Variants in SMURF1 observed in about 807,000 individuals in gnomAD.
SMURF1 encodes SMAD specific E3 ubiquitin protein ligase 1, also known as E3 ubiquitin-protein ligase SMURF1.
A neutral mutation model predicts 98.0 loss-of-function variants in SMURF1; 44 were observed. That is an observed-to-expected ratio of 0.45 (90% CI 0.35 to 0.58). SMURF1 has a LOEUF of 0.58. SMURF1 is among the 20% of genes least tolerant of loss of function. The probability of loss-of-function intolerance (pLI) is 0.00; values close to 1 mark genes in which losing one functional copy is unlikely to be tolerated. For synonymous variants in SMURF1, 396 were observed against 374.9 expected (o/e 1.06, Z -0.65); for missense variants, 687 against 938.4 (o/e 0.73, Z 3.50).
intron 11 of SMURF1, 161 bp downstream of exon 11, chr7:99,045,537 C>T (rs979375784): frequency 4.9e-5 from 29 of 595,314 alleles, no homozygotes; most frequent in East Asian, 3.2e-4. Flanking sequence ...TCCTATTCTC[C>T]GCAGGGTGGC....
At chr7:99,035,044 C>T (rs1017277175) in intron 16 of SMURF1, among the ~76,000 whole-genome samples, 2 of 152,220 alleles carry the variant, frequency 1.3e-5, no homozygotes, top group African/African-American at 4.8e-5. Context: ...CACAGAATTC[C>T]ACCCCACTTC....
chr7:99,115,820 A>G (rs1184330540), intron 1 of SMURF1, among the ~76,000 whole-genome samples: 1 of 152,204 alleles, frequency 6.6e-6, no homozygotes, highest in Non-Finnish European at 1.5e-5. Flanking sequence ...GAACTTCCAA[A>G]AAGAAAAACT....
intron 1 of SMURF1, among the ~76,000 whole-genome samples, chr7:99,124,375 C>T (rs2150629200): frequency 6.6e-6 from 1 of 152,290 alleles, no homozygotes; most frequent in South Asian, 2.1e-4. Flanking sequence ...AAGGGGCACT[C>T]CAAAGTCCCA....
chr7:99,045,386 G>T (rs1488540385), intron 11 of SMURF1, among the ~76,000 whole-genome samples: 1 of 152,218 alleles, frequency 6.6e-6, no homozygotes, highest in Admixed American at 6.5e-5. Flanking sequence ...TAAATTTCAG[G>T]AGCATGCTCC....
chr7:99,071,987 G>A (rs534762889), intron 1 of SMURF1, among the ~76,000 whole-genome samples: 1 of 152,206 alleles, frequency 6.6e-6, no homozygotes, highest in Non-Finnish European at 1.5e-5. Context: ...GCTGAGGGAG[G>A]AGAACTGCTT....
chr7:99,054,813 G>A lies in SMURF1; in HGVS notation c.456C>T (p.Cys152=). Residue 152 remains cysteine, a synonymous_variant, in exon 6 of 18, where the codon TGC becomes TGT. Transcript: ENST00000361368. ...ACCCTTCATTTTCTAACAGTCCTCT[G>A]CAGTCCACCACCGAGCCGCCGGTTC... ...RIGTGGSVVD[C]RGLLENEGTV... The A allele has an allele frequency of 6.2e-7, 1 of 1,613,900 alleles. No homozygotes were observed. Among genetic ancestry groups the A allele is most frequent in the South Asian group, 1.1e-5 (1 of 91,050 alleles).
At chr7:99,123,706 G>A (rs1417728216) in intron 1 of SMURF1, among the ~76,000 whole-genome samples, 2 of 152,112 alleles carry the variant, frequency 1.3e-5, no homozygotes, top group African/African-American at 4.8e-5. Context: ...TTCTGAGAAC[G>A]TTGGCTAAAC....
Position 99,057,616 on chromosome 7 carries a change from T to G in SMURF1, c.204-65A>C, listed in dbSNP as rs905716762. 6.1e-5 allele frequency: 89 copies of G among 1,466,494 alleles called. No homozygotes were observed. The East Asian group carries it at 1.4e-3, about 24-fold the overall frequency. 90.8% of individuals were successfully genotyped at this position (1,466,494 alleles called of 1,614,324 possible). A position where few individuals can be genotyped will look rare whatever the true frequency, so the allele number is the denominator to read the frequency against. On this transcript the variant is annotated intron_variant, in intron 3 of 17. Transcript: ENST00000361368. The stretch of plus-strand genomic sequence containing the variant: ...GTTTTTTTTGTTTTGTTTTTTTTTT[T>G]TTTTGAGATAGAATCCTGCTCTGTT...
intron 1 of SMURF1, among the ~76,000 whole-genome samples, chr7:99,089,249 G>A (rs1296949883): frequency 2.0e-5 from 3 of 151,644 alleles, no homozygotes; most frequent in African/African-American, 4.8e-5. Context: ...ACAGGACACC[G>A]CATATCCCAG....
At position 99,052,459 on chromosome 7, in the gene SMURF1, A is replaced by C. The variant is rs1795781956; in HGVS notation, c.480-13T>G. ...TTCATACACCGTTCTGAAAGGGACG[A>C]GAGCAGGCAGGCATGGTGTCACCAT... On this transcript the variant is annotated splice_polypyrimidine_tract_variant and intron_variant, in intron 6 of 17. Coordinates refer to ENST00000361368, the MANE Select transcript of SMURF1 (RefSeq NM_181349.3). 6.6e-7 allele frequency: 1 copy of C among 1,516,238 alleles called. No individual in the cohort carries two copies. The highest frequency in any genetic ancestry group is 1.4e-5 in the African/African-American group (1 of 72,252). The allele number at this position is 1,516,238 out of a possible 1,614,324, so 93.9% of individuals were successfully genotyped here.
intron 9 of SMURF1, 133 bp from the exon 10 acceptor site, chr7:99,048,015 C>T (rs972426056): frequency 3.6e-5 from 29 of 801,882 alleles, no homozygotes; most frequent in South Asian, 9.7e-5. Flanking sequence ...TCCCTGATGA[C>T]GTAACCAGGT....
At chr7:99,118,131 A>G (rs138252172) in intron 1 of SMURF1, among the ~76,000 whole-genome samples, 29 of 152,314 alleles carry the variant, frequency 1.9e-4, no homozygotes, top group African/African-American at 5.8e-4. Flanking sequence ...ACAGCAAAAA[A>G]CAAAACGATG....
chr7:99,035,860 A>T, intron 15 of SMURF1, 144 bp from the exon 16 acceptor site: 2 of 783,838 alleles, frequency 2.6e-6, no homozygotes, highest in South Asian at 3.6e-5. Flanking sequence ...TTGAGACAGG[A>T]AGAAAGCTAC....
chr7:99,066,797 A>G (rs1796206296), intron 1 of SMURF1, among the ~76,000 whole-genome samples: 1 of 151,512 alleles, frequency 6.6e-6, no homozygotes. Context: ...AAAAAAAAAA[A>G]AAGAAAAGAA....
chr7:99,111,213 G>A (rs1174606071), intron 1 of SMURF1, among the ~76,000 whole-genome samples: 1 of 152,194 alleles, frequency 6.6e-6, no homozygotes, highest in Non-Finnish European at 1.5e-5. Context: ...AGGCAGTTCA[G>A]TGGAAAACCA....
chr7:99,082,973 CT>C (rs1796602050), intron 1 of SMURF1, among the ~76,000 whole-genome samples: 1 of 151,906 alleles, frequency 6.6e-6, no homozygotes, highest in African/African-American at 2.4e-5. Flanking sequence ...CCTATTAATG[CT>C]TTTTTATACT....
In SMURF1 at chr7:99,029,293, C is replaced by T. The variant is rs1450130305; in HGVS notation, c.*1291G>A. On this transcript the variant is annotated 3_prime_UTR_variant, in exon 18 of 18. Transcript: ENST00000361368. ...GAACATTGGCCTGCTGTTTTCTGCC[C>T]AAGTTCAGCTATTGGAAATCAAGCC... 6.6e-6 allele frequency: 1 copy of T among 152,606 alleles called. No homozygotes were observed. Among genetic ancestry groups the T allele is most frequent in the Non-Finnish European group, 1.5e-5 (1 of 68,068 alleles). The allele number at this position is 152,606 out of a possible 1,614,324, so 9.5% of individuals were successfully genotyped here.
At chr7:99,037,044 G>A (rs762485304) in intron 15 of SMURF1, 23 bp downstream of exon 15, 3 of 1,613,014 alleles carry the variant, frequency 1.9e-6, no homozygotes, top group South Asian at 1.1e-5. Flanking sequence ...GCCCTGGGTC[G>A]ACTCCGCACA....
rs1562993509 is a variant in SMURF1, at chr7:99,030,670, C to T, written c.2110G>A (p.Asp704Asn). 1.9e-6 allele frequency: 3 copies of T among 1,613,784 alleles called. No individual in the cohort carries two copies. Among genetic ancestry groups the T allele is most frequent in the South Asian group, 1.1e-5 (1 of 91,044 alleles). ...PKAHTCFNRIDIPPYESYEKL... is the reference protein window; with the variant it reads ...PKAHTCFNRINIPPYESYEKL... Reference sequence around the variant, plus strand: ...TCATAGGACTCATATGGTGGAATGTCGATCCGGTTAAAGCTGAAAAAGGAC... The same window carrying T: ...TCATAGGACTCATATGGTGGAATGTTGATCCGGTTAAAGCTGAAAAAGGAC... The change falls in exon 18 of 18, where the codon GAC (aspartate) becomes AAC (asparagine). Residue 704 changes from aspartate to asparagine, a missense_variant. Physicochemically the swap from Asp to Asn is conservative, Grantham distance 23. Around this residue, in one of 2 missense-constraint regions of SMURF1, gnomAD observed 272 missense variants for 430.0 expected, o/e 0.63. Coordinates refer to ENST00000361368, the MANE Select transcript of SMURF1 (RefSeq NM_181349.3).
Sources: gnomAD v4.1 joint callset for allele counts (sites outside exome capture counted in the v4.1 genomes callset) on GRCh38, gnomAD v4.1.1 for gene constraint, gnomAD v4.1.1 regional missense constraint, MANE v1.5 for transcripts, NCBI Gene and HGNC (gene_info 2026-07-23, HGNC 2026-07-21) for gene names.